Variants in HDAC9 observed in about 807,000 individuals in gnomAD.
HDAC9 encodes histone deacetylase 9.
HDAC9 carries 41 observed loss-of-function variants against 139.4 expected under a neutral mutation model. That is an observed-to-expected ratio of 0.29 (90% CI 0.23 to 0.38). HDAC9 has a LOEUF of 0.38. Among genes scored for constraint, HDAC9 ranks in the 10% least tolerant of loss-of-function variants. The pLI, the probability that HDAC9 is intolerant of heterozygous loss-of-function variation, is 1.00. For missense variants in HDAC9, 1,147 were observed against 1,297.0 expected, an observed-to-expected ratio of 0.88 and a Z score of 1.78; for synonymous variants, 517 against 476.2, an observed-to-expected ratio of 1.09 and a Z score of -1.12.
intron 22 of HDAC9, among the ~76,000 whole-genome samples, chr7:18,896,511 G>T (rs1801212328): frequency 6.6e-6 from 1 of 152,020 alleles, no homozygotes; most frequent in Admixed American, 6.6e-5. Flanking sequence ...AATGCCTCAA[G>T]TTCAAAGGAA....
intron 6 of HDAC9, among the ~76,000 whole-genome samples, chr7:18,628,972 C>T (rs1448349184): frequency 6.6e-6 from 1 of 151,952 alleles, no homozygotes; most frequent in Non-Finnish European, 1.5e-5. Flanking sequence ...TAAGTTTCAC[C>T]CTTGAGAGAA....
chr7:18,709,651 G>A (rs759632201), intron 12 of HDAC9, among the ~76,000 whole-genome samples: 40 of 152,168 alleles, frequency 2.6e-4, no homozygotes, highest in Non-Finnish European at 4.0e-4. Context: ...TGTGCTTGGG[G>A]AATTGACTGT....
chr7:18,866,140 C>G (rs1798479121), intron 21 of HDAC9, among the ~76,000 whole-genome samples: 1 of 149,770 alleles, frequency 6.7e-6, no homozygotes, highest in South Asian at 2.2e-4. Flanking sequence ...CCATTTCCAA[C>G]CATCTTTCCT....
intron 1 of HDAC9, chr7:18,325,379 C>G (rs545106287): frequency 1.3e-5 from 2 of 152,250 alleles, no homozygotes; most frequent in African/African-American, 4.8e-5. Context: ...TTTAATAGGA[C>G]TGATTTCATC....
chr7:18,338,493 A>T (rs1781751893), intron 1 of HDAC9, among the ~76,000 whole-genome samples: 2 of 151,664 alleles, frequency 1.3e-5, no homozygotes, highest in Non-Finnish European at 3.0e-5. Context: ...ATAAACAAAA[A>T]GTTTACACCT....
intron 24 of HDAC9, among the ~76,000 whole-genome samples, chr7:18,964,300 C>T (rs1164495690): frequency 6.6e-6 from 1 of 152,142 alleles, no homozygotes; most frequent in African/African-American, 2.4e-5. Flanking sequence ...ATACATACTT[C>T]ATATCTCAGC....
In HDAC9 at chr7:18,210,375, C is replaced by T. The variant is rs571689629; in HGVS notation, c.25+48026C>T. Among the ~76,000 whole-genome samples the T allele has an allele frequency of 1.6e-4, 25 of 152,288 alleles. No homozygotes were observed. The South Asian group carries it at 5.0e-3, about 30-fold the overall frequency. On this transcript the variant is annotated intron_variant, in intron 2 of 12. Transcript: ENST00000417496. ...AATTTAACACTTTTCTAATGAAGAA[C>T]ATAAGTTCCAGTTAAGAGGGTTTCC... is the stretch of plus-strand genomic sequence containing the variant.
chr7:18,993,567 T>G (rs980463968), intron 25 of HDAC9, among the ~76,000 whole-genome samples: 1 of 152,160 alleles, frequency 6.6e-6, no homozygotes, highest in African/African-American at 2.4e-5. Flanking sequence ...TTTGGAAGGC[T>G]AAAGCAGGAG....
intron 1 of HDAC9, among the ~76,000 whole-genome samples, chr7:18,102,309 G>T (rs2128072262): frequency 6.6e-6 from 1 of 152,298 alleles, no homozygotes; most frequent in East Asian, 1.9e-4. Flanking sequence ...TGCAATTTGA[G>T]TTTTTAATGT....
intron 1 of HDAC9, among the ~76,000 whole-genome samples, chr7:18,319,845 T>A (rs1799906564): frequency 6.6e-6 from 1 of 152,228 alleles, no homozygotes; most frequent in Non-Finnish European, 1.5e-5. Flanking sequence ...AATCACAACA[T>A]TCATCCAGTA....
upstream of HDAC9, among the ~76,000 whole-genome samples, chr7:18,493,012 A>G (rs1796480732): frequency 2.0e-5 from 3 of 151,878 alleles, no homozygotes; most frequent in South Asian, 6.2e-4. Context: ...ACGTAAATAA[A>G]CCTCATGTTA....
At chr7:18,441,038 G>A (rs1791707029) in intron 1 of HDAC9, among the ~76,000 whole-genome samples, 1 of 152,096 alleles carries the variant, frequency 6.6e-6, no homozygotes, top group South Asian at 2.1e-4. Context: ...GGAGAATTTG[G>A]CAATTCAATG....
At chr7:18,957,813 G>A (rs1220305273) in intron 24 of HDAC9, among the ~76,000 whole-genome samples, 1 of 152,114 alleles carries the variant, frequency 6.6e-6, no homozygotes, top group Admixed American at 6.5e-5. Context: ...TTTAGGGGGT[G>A]TTCAGATTTC....
chr7:18,090,318 T>C (rs1782063976), intron 1 of HDAC9, among the ~76,000 whole-genome samples: 1 of 152,220 alleles, frequency 6.6e-6, no homozygotes, highest in African/African-American at 2.4e-5. Context: ...TGGTCATCTT[T>C]ATACATGTGC....
intron 21 of HDAC9, 98 bp downstream of exon 21, chr7:18,836,095 G>A (rs776751388): frequency 3.3e-5 from 21 of 644,886 alleles, no homozygotes; most frequent in Non-Finnish European, 5.0e-5. Context: ...TCTAATTAAG[G>A]TAAATTATCG....
chr7:18,114,635 C>G (rs1783847128), intron 1 of HDAC9, among the ~76,000 whole-genome samples: 1 of 152,150 alleles, frequency 6.6e-6, no homozygotes, highest in Admixed American at 6.5e-5. Context: ...CAATGTCAAT[C>G]TAGATGGAGC....
At chr7:18,792,894 C>T (rs946570551) in intron 16 of HDAC9, among the ~76,000 whole-genome samples, 6 of 152,160 alleles carry the variant, frequency 3.9e-5, no homozygotes, top group African/African-American at 7.2e-5. Context: ...AACCTGCAGT[C>T]AGAAAGGTAT....
At chr7:18,533,510 T>C (rs1368676060) in intron 2 of HDAC9, among the ~76,000 whole-genome samples, 1 of 152,198 alleles carries the variant, frequency 6.6e-6, no homozygotes, top group African/African-American at 2.4e-5. Flanking sequence ...ATAGAACCCT[T>C]GTGGAAAATT....
chr7:18,203,176 T>C (rs929468665), intron 2 of HDAC9, among the ~76,000 whole-genome samples: 61 of 152,290 alleles, frequency 4.0e-4, no homozygotes, highest in African/African-American at 1.4e-3. Flanking sequence ...CTGGCTGATA[T>C]TTTAAAAGGT....
Sources: gnomAD v4.1 joint callset for allele counts (sites outside exome capture counted in the v4.1 genomes callset) on GRCh38, gnomAD v4.1.1 for gene constraint, MANE v1.5 for transcripts, NCBI Gene and HGNC (gene_info 2026-07-23, HGNC 2026-07-21) for gene names.